Variants in GALNT17 observed in about 807,000 individuals in gnomAD.
GALNT17 encodes the protein polypeptide N-acetylgalactosaminyltransferase 17, also known as UDP-GalNAc:polypeptide N-acetylgalactosaminyltransferase-like 3.
A neutral mutation model predicts 63.7 loss-of-function variants in GALNT17; 29 were observed. The observed-to-expected ratio is 0.46, with a 90% CI of 0.34 to 0.62. GALNT17 has a LOEUF of 0.62. GALNT17 is among the 20% of genes least tolerant of loss of function. The pLI is 0.01. For missense variants in GALNT17, 603 were observed against 799.6 expected, an observed-to-expected ratio of 0.75 and a Z score of 2.97; for synonymous variants, 305 against 318.3, an observed-to-expected ratio of 0.96 and a Z score of 0.45.
intron 1 of GALNT17, among the ~76,000 whole-genome samples, chr7:71,164,620 G>C (rs1562877758): frequency 6.6e-6 from 1 of 152,188 alleles, no homozygotes; most frequent in Non-Finnish European, 1.5e-5. Context: ...ATGTGGTTCT[G>C]TCTTCAACAC....
At chr7:71,497,517 C>A (rs974430263) in intron 5 of GALNT17, among the ~76,000 whole-genome samples, 2 of 152,088 alleles carry the variant, frequency 1.3e-5, no homozygotes, top group Non-Finnish European at 2.9e-5. Context: ...CACTCTAATA[C>A]CCTCATTTTA....
intron 3 of GALNT17, among the ~76,000 whole-genome samples, chr7:71,398,770 T>A (rs1216812464): frequency 6.6e-6 from 1 of 152,224 alleles, no homozygotes; most frequent in Non-Finnish European, 1.5e-5. Flanking sequence ...GATCGCACAA[T>A]AATAGGTATG....
intron 5 of GALNT17, among the ~76,000 whole-genome samples, chr7:71,440,163 C>A (rs1253100458): frequency 6.6e-6 from 1 of 151,878 alleles, no homozygotes; most frequent in African/African-American, 2.4e-5. Flanking sequence ...CTCCTGACCT[C>A]GAGTGATCCA....
At chr7:71,442,147 A>G (rs1296060810) in intron 5 of GALNT17, among the ~76,000 whole-genome samples, 2 of 151,934 alleles carry the variant, frequency 1.3e-5, no homozygotes, top group Non-Finnish European at 2.9e-5. Flanking sequence ...TCAGCAAGTT[A>G]TTTTTTTGAC....
At chr7:71,639,535 G>A (rs1790574817) in intron 6 of GALNT17, among the ~76,000 whole-genome samples, 1 of 152,160 alleles carries the variant, frequency 6.6e-6, no homozygotes, top group African/African-American at 2.4e-5. Context: ...GGAGGGCTGT[G>A]GGGAGGGCTC....
At chr7:71,678,314 C>A (rs963077016) in intron 9 of GALNT17, among the ~76,000 whole-genome samples, 39 of 151,642 alleles carry the variant, frequency 2.6e-4, no homozygotes, top group African/African-American at 9.4e-4. Flanking sequence ...TCAGTAGAGA[C>A]GGGGTTTCAC....
At chr7:71,203,621 T>C (rs962183281) in intron 1 of GALNT17, among the ~76,000 whole-genome samples, 2 of 152,194 alleles carry the variant, frequency 1.3e-5, no homozygotes, top group Admixed American at 1.3e-4. Flanking sequence ...TAATTTTTAA[T>C]AAAAGAGATT....
chr7:71,280,814 C>A (rs572468254), intron 1 of GALNT17, among the ~76,000 whole-genome samples: 88 of 152,246 alleles, frequency 5.8e-4, no homozygotes, highest in Non-Finnish European at 6.9e-4. Context: ...CTGTCTGAAC[C>A]CATCCCAGGG....
At chr7:71,284,198 A>C (rs1488529795) in intron 1 of GALNT17, 1 of 160,682 alleles carries the variant, frequency 6.2e-6, no homozygotes, top group African/African-American at 2.4e-5. Context: ...CCGTGGCTTC[A>C]TTCTTGAAGT....
intron 1 of GALNT17, among the ~76,000 whole-genome samples, chr7:71,223,518 A>G (rs12539391): frequency 0.35 from 52,841 of 151,230 alleles, 9,813 homozygotes; most frequent in South Asian, 0.53. Context: ...CCATAATCCC[A>G]ACTTTTTTTT....
intron 3 of GALNT17, among the ~76,000 whole-genome samples, chr7:71,410,539 C>T (rs1350306612): frequency 6.6e-6 from 1 of 152,206 alleles, no homozygotes; most frequent in African/African-American, 2.4e-5. Context: ...AGCCATCACA[C>T]CCAGCCTCCT....
intron 5 of GALNT17, among the ~76,000 whole-genome samples, chr7:71,456,367 G>A (rs1787356308): frequency 1.3e-5 from 2 of 152,076 alleles, no homozygotes; most frequent in Admixed American, 6.6e-5. Context: ...GTATTATAAG[G>A]CCTGGGAAGG....
intron 5 of GALNT17, among the ~76,000 whole-genome samples, chr7:71,552,414 A>G (rs1351251033): frequency 6.6e-6 from 1 of 150,420 alleles, no homozygotes; most frequent in South Asian, 2.1e-4. Context: ...TAAGAACCTT[A>G]TACAGTAGGT....
chr7:71,295,183 A>G (rs929339824), intron 1 of GALNT17, among the ~76,000 whole-genome samples: 1 of 152,044 alleles, frequency 6.6e-6, no homozygotes, highest in African/African-American at 2.4e-5. Context: ...AACCTTTCCA[A>G]TCCTGATTTT....
chr7:71,620,694 G>C (rs1012510941), intron 6 of GALNT17, among the ~76,000 whole-genome samples: 3 of 152,186 alleles, frequency 2.0e-5, no homozygotes, highest in South Asian at 2.1e-4. Flanking sequence ...GTCAGTGTAC[G>C]TGGGATATCT....
intron 1 of GALNT17, among the ~76,000 whole-genome samples, chr7:71,208,438 T>C (rs1287328973): frequency 6.7e-6 from 1 of 148,750 alleles, no homozygotes; most frequent in Non-Finnish European, 1.5e-5. Flanking sequence ...TTTGTTTTAA[T>C]TTAATAAATG....
rs190958346 is a variant in GALNT17 at position 71,678,506 on chromosome 7, C to T, written c.1500+1200C>T. ...CAGCCTGGACAACATGGCAAAACCC[C>T]GTCTCTGTTGGCCAGGTGCGGTGGC... On this transcript the variant is annotated intron_variant, in intron 9 of 10. Transcript: ENST00000333538. 1.0e-3 allele frequency among the ~76,000 whole-genome samples: 153 copies of T among 151,758 alleles called. 4 individuals carry two copies. In the East Asian group the frequency reaches 0.026, roughly 26 times the overall value.
At chr7:71,610,961 G>A (rs1255109714) in intron 6 of GALNT17, among the ~76,000 whole-genome samples, 2 of 145,518 alleles carry the variant, frequency 1.4e-5, no homozygotes, top group African/African-American at 5.1e-5. Context: ...ACTCCAGCCT[G>A]AGCGGTGACA....
intron 5 of GALNT17, among the ~76,000 whole-genome samples, chr7:71,466,094 A>G (rs1307147370): frequency 6.6e-6 from 1 of 152,196 alleles, no homozygotes; most frequent in Non-Finnish European, 1.5e-5. Context: ...TAGCTTTGCA[A>G]GGCCACTTCT....
Sources: gnomAD v4.1 joint callset for allele counts (sites outside exome capture counted in the v4.1 genomes callset) on GRCh38, gnomAD v4.1.1 for gene constraint, MANE v1.5 for transcripts, NCBI Gene and HGNC (gene_info 2026-07-23, HGNC 2026-07-21) for gene names.